KCNK12: variants seen among roughly 807,000 people sequenced by gnomAD.
The protein encoded by KCNK12 is potassium channel subfamily K member 12.
In KCNK12, 6 loss-of-function variants were observed where a neutral mutation model predicts 25.3. That is an observed-to-expected ratio of 0.24 (90% CI 0.13 to 0.47). KCNK12 has a LOEUF of 0.47. Ranked by LOEUF, KCNK12 falls within the 20% of genes least tolerant of loss-of-function variation. The pLI is 0.99. For missense variants in KCNK12, 444 were observed against 661.7 expected, an observed-to-expected ratio of 0.67 and a Z score of 3.61; for synonymous variants, 331 against 311.1, an observed-to-expected ratio of 1.06 and a Z score of -0.67.
At chr2:47,568,250 A>T (rs1488455721) in intron 1 of KCNK12, among the ~76,000 whole-genome samples, 1 of 151,960 alleles carries the variant, frequency 6.6e-6, no homozygotes, top group African/African-American at 2.4e-5. Context: ...ACAATGAGCT[A>T]TGGATGCATG....
intron 1 of KCNK12, among the ~76,000 whole-genome samples, chr2:47,530,413 AC>A (rs1668893560): frequency 6.6e-6 from 1 of 151,916 alleles, no homozygotes; most frequent in African/African-American, 2.4e-5. Flanking sequence ...TCCATGTCAC[AC>A]CCCCGGGGAG....
At chr2:47,537,417 G>A (rs150567607) in intron 1 of KCNK12, among the ~76,000 whole-genome samples, 82 of 151,062 alleles carry the variant, frequency 5.4e-4, no homozygotes, top group Non-Finnish European at 1.0e-3. Flanking sequence ...TGCAACCTCC[G>A]CCTCCCGGGT....
Position 47,521,093 on chromosome 2 carries a change from G to A in KCNK12, c.1107C>T (p.Ile369=), listed in dbSNP as rs780221448. The A allele has an allele frequency of 2.3e-5, 31 of 1,321,124 alleles. No homozygotes were observed. Among genetic ancestry groups the A allele is most frequent in the Admixed American group, 7.1e-5 (2 of 28,074 alleles). The allele number at this position is 1,321,124 out of a possible 1,614,324, so 81.8% of individuals were successfully genotyped here. ...AEGRRLSGEL[I]SMRDLTASNK... is the part of the protein sequence containing the mutation. ...TGGAGGCCGTGAGGTCGCGCATGGA[G>A]ATGAGCTCGCCCGAGAGGCGGCGGC... The change falls in exon 2 of 2, where the codon ATC becomes ATT. Residue 369 remains isoleucine, a synonymous_variant. Transcript: ENST00000327876.
chr2:47,569,932 G>T lies in KCNK12; in HGVS notation c.391+9C>A. 7.3e-7 allele frequency: 1 copy of T among 1,373,828 alleles called. No homozygotes were observed. The allele number at this position is 1,373,828 out of a possible 1,614,324, so 85.1% of individuals were successfully genotyped here. ...GAGAGGAAAGATGCGCGGGGGACGCGCCGCTCACCTATGGTTGACACCACG... is the reference window on the plus strand; with the variant it reads ...GAGAGGAAAGATGCGCGGGGGACGCTCCGCTCACCTATGGTTGACACCACG... On this transcript the variant is annotated intron_variant, in intron 1 of 1. Coordinates refer to ENST00000327876, the MANE Select transcript of KCNK12 (RefSeq NM_022055.2). The surrounding 1 kb of genome is among the most constrained non-coding windows in gnomAD (Gnocchi z 4.1).
Position 47,570,280 on chromosome 2 carries a change from G to A in KCNK12, c.52C>T (p.Pro18Ser), listed in dbSNP as rs1209531045. The A allele has an allele frequency of 9.3e-6, 13 of 1,394,924 alleles. No individual in the cohort carries two copies. Among genetic ancestry groups the A allele is most frequent in the Non-Finnish European group, 1.2e-5 (13 of 1,076,208 alleles). The allele number at this position is 1,394,924 out of a possible 1,614,324, so 86.4% of individuals were successfully genotyped here. ...CAGCAGCAGCAGCAGGAGGGGCGCG[G>A]CAGGCGGCGGCGGCTACGGCGGGGC... The part of the protein sequence containing the change: ...PPPRRSRRRL[P>S]RPSCCCCCCR... The change falls in exon 1 of 2, where the codon CCG becomes TCG. Residue 18 changes from proline (P) to serine (S), a missense_variant. Around this residue, in one of 8 missense-constraint regions of KCNK12, gnomAD observed 67 missense variants for 59.2 expected, o/e 1.13. Coordinates refer to ENST00000327876, the MANE Select transcript of KCNK12 (RefSeq NM_022055.2).
chr2:47,567,882 T>G lies in KCNK12; in HGVS notation c.391+2059A>C, dbSNP rs140491402. Among the ~76,000 whole-genome samples, 1,053 of 152,298 alleles carry G rather than the reference T, an allele frequency of 6.9e-3. 14 individuals are homozygous for G. The highest frequency in any genetic ancestry group is 0.024 in the African/African-American group (998 of 41,566). The stretch of plus-strand genomic sequence containing the variant: ...TGCCAGTAGACTAAAGGCTGGGGCA[T>G]GGAACAATTTCCCAACACACTGACT... On this transcript the variant is annotated intron_variant, in intron 1 of 1. Transcript: ENST00000327876.
In KCNK12 at chr2:47,516,240, T is replaced by G. The variant is rs1668521555; in HGVS notation, c.*4667A>C. ...GAATCCCCCCAAAAAATTCCAGGACTGGCCTGAGTTGCTCCTTAGACCAAT... is the reference window on the plus strand; with the variant it reads ...GAATCCCCCCAAAAAATTCCAGGACGGGCCTGAGTTGCTCCTTAGACCAAT... On this transcript the variant is annotated 3_prime_UTR_variant, in exon 2 of 2. Coordinates refer to ENST00000327876, the MANE Select transcript of KCNK12 (RefSeq NM_022055.2). Among the ~76,000 whole-genome samples, 1 of 152,214 alleles carries G rather than the reference T, an allele frequency of 6.6e-6. No individual in the cohort carries two copies. The highest frequency in any genetic ancestry group is 1.5e-5 in the Non-Finnish European group (1 of 68,030).
In KCNK12 at chr2:47,521,348, G is replaced by A. The variant is rs77883212; in HGVS notation, c.852C>T (p.Ile284=). 3,395 of 1,613,718 alleles carry A rather than the reference G, an allele frequency of 2.1e-3. 66 individuals are homozygous for A. In the African/African-American group the frequency reaches 0.041, roughly 19 times the overall value. ...AGTAAATGCAGCACACGCCGAGCAG[G>A]ATGAAGAGGAAGTTGCCCAGGCGGT... ...GLYRLGNFLF[I]LLGVCCIYSL... Residue 284 remains isoleucine, a synonymous_variant, in exon 2 of 2, where the codon ATC becomes ATT. Transcript: ENST00000327876.
intron 1 of KCNK12, among the ~76,000 whole-genome samples, chr2:47,558,314 G>T (rs926571278): frequency 6.6e-6 from 1 of 152,238 alleles, no homozygotes; most frequent in Non-Finnish European, 1.5e-5. Flanking sequence ...GACAAAGAGG[G>T]TGCTGGCAGG....
intron 1 of KCNK12, among the ~76,000 whole-genome samples, chr2:47,539,272 T>C (rs1334615663): frequency 6.6e-6 from 1 of 152,246 alleles, no homozygotes; most frequent in East Asian, 1.9e-4. Flanking sequence ...CTATAATCTT[T>C]CAGTTATAAG....
At chr2:47,546,398 T>C (rs1669316113) in intron 1 of KCNK12, among the ~76,000 whole-genome samples, 2 of 152,262 alleles carry the variant, frequency 1.3e-5, no homozygotes, top group Non-Finnish European at 2.9e-5. Flanking sequence ...ACTTCCATCA[T>C]ACAGGTGCTG....
At position 47,534,807 on chromosome 2, in the gene KCNK12, G is replaced by A. The variant is rs11890414; in HGVS notation, c.392-12999C>T. On this transcript the variant is annotated intron_variant, in intron 1 of 1. Transcript: ENST00000327876. ...GCCAGGCGTGAGGTGACAGACCAGC[G>A]GGCAGCTCAGAGCAGCAAGACAATG... 2.9e-3 allele frequency: 533 copies of A among 180,728 alleles called. 4 individuals are homozygous for A. Among genetic ancestry groups the A allele is most frequent in the African/African-American group, 0.012 (513 of 42,474 alleles). 11.2% of individuals were successfully genotyped at this position (180,728 alleles called of 1,614,324 possible). A position where few individuals can be genotyped will look rare whatever the true frequency, so the allele number is the denominator to read the frequency against.
Position 47,515,038 on chromosome 2 carries a change from A to G in KCNK12, c.*5869T>C, listed in dbSNP as rs954676262. 2.0e-5 allele frequency among the ~76,000 whole-genome samples: 3 copies of G among 152,202 alleles called. No homozygotes were observed. Among genetic ancestry groups the G allele is most frequent in the African/African-American group, 7.2e-5 (3 of 41,434 alleles). On this transcript the variant is annotated 3_prime_UTR_variant, in exon 2 of 2. Coordinates refer to ENST00000327876, the MANE Select transcript of KCNK12 (RefSeq NM_022055.2). ...TCATATGAAATGTTATAGGAATCAC[A>G]GGCCTTAGAACTTGAAAGGAACCCA...
rs1669788411 is a variant in KCNK12 at position 47,566,422 on chromosome 2, ACACACACACGTG to A, written c.391+3507_391+3518del. On this transcript the variant is annotated intron_variant, in intron 1 of 1. Transcript: ENST00000327876. This position sits in a 1 kb window ranked among gnomAD's most constrained non-coding sequence, Gnocchi z 4.1. ...CAAGAGTGTGTGTGTGCACGTGTGT[ACACACACACGTG>A]CACACACACATACACACACTGGTGC... 3 of 151,608 alleles carry A rather than the reference ACACACACACGTG, an allele frequency of 2.0e-5. No homozygotes were observed. The East Asian group carries it at 5.9e-4, about 30-fold the overall frequency. The allele number at this position is 151,608 out of a possible 1,614,324, so 9.4% of individuals were successfully genotyped here.
chr2:47,521,872 T>TGGGTGGGGGG, intron 1 of KCNK12, 64 bp from the exon 2 acceptor site: 1 of 224,480 alleles, frequency 4.5e-6, no homozygotes, highest in Non-Finnish European at 6.9e-6. Context: ...TGGGCGAGGG[T>TGGGTGGGGGG]GGGGGGTGTG....
chr2:47,513,785 CCT>C lies in KCNK12; in HGVS notation c.*7120_*7121del, dbSNP rs1439581052. Among the ~76,000 whole-genome samples, 2 of 152,142 alleles carry C rather than the reference CCT, an allele frequency of 1.3e-5. No homozygotes were observed. Among genetic ancestry groups the C allele is most frequent in the African/African-American group, 2.4e-5 (1 of 41,420 alleles). On this transcript the variant is annotated 3_prime_UTR_variant, in exon 2 of 2. Transcript: ENST00000327876. ...CCTGAGACCTGGCTCCGTCCCAATT[CCT>C]CTCTCTCAGTCTTATCATCCCCATC...
chr2:47,542,060 T>C (rs1384140902), intron 1 of KCNK12, among the ~76,000 whole-genome samples: 1 of 152,170 alleles, frequency 6.6e-6, no homozygotes, highest in Non-Finnish European at 1.5e-5. Flanking sequence ...AGGCTGTGTT[T>C]ATATTTATCC....
intron 1 of KCNK12, among the ~76,000 whole-genome samples, chr2:47,526,428 A>G (rs1171105171): frequency 3.4e-5 from 5 of 148,782 alleles, no homozygotes; most frequent in Admixed American, 3.3e-4. Flanking sequence ...AAAGAGAAAG[A>G]AAGAAAAGAA....
intron 1 of KCNK12, among the ~76,000 whole-genome samples, chr2:47,539,383 CAA>C (rs1420737670): frequency 1.3e-5 from 2 of 152,122 alleles, no homozygotes; most frequent in South Asian, 2.1e-4. Context: ...AGGTGGTAGT[CAA>C]AAAGTGTCTC....
Sources: allele counts gnomAD v4.1 joint callset (sites outside exome capture counted in the v4.1 genomes callset), GRCh38; gene constraint gnomAD v4.1.1; regional missense constraint gnomAD v4.1.1; non-coding constraint Gnocchi (gnomAD v3.1); transcripts MANE v1.5; gene names NCBI Gene and HGNC (gene_info 2026-07-23, HGNC 2026-07-21).